The following WWC2 variants were observed in gnomAD, a reference collection of about 807,000 sequenced individuals.
The protein encoded by WWC2 is protein WWC2.
A neutral mutation model predicts 138.5 loss-of-function variants in WWC2; 101 were observed. The ratio of observed to expected loss-of-function variants is 0.73; its 90% CI spans 0.62 to 0.86. WWC2 has a LOEUF of 0.86. WWC2 is among the 40% of genes least tolerant of loss of function. The pLI is 0.00. For synonymous variants in WWC2, 558 were observed against 538.4 expected, an observed-to-expected ratio of 1.04 and a Z score of -0.50; for missense variants, 1,420 against 1,419.4, an observed-to-expected ratio of 1.00 and a Z score of -0.01.
Position 183,240,113 on chromosome 4 carries a change from C to A in WWC2, c.523-70C>A, listed in dbSNP as rs1195220072. 2.7e-6 allele frequency: 3 copies of A among 1,130,516 alleles called. No homozygotes were observed. In the African/African-American group the frequency reaches 4.8e-5, roughly 18 times the overall value. 70.0% of individuals were successfully genotyped at this position (1,130,516 alleles called of 1,614,324 possible). A position where few individuals can be genotyped will look rare whatever the true frequency, so the allele number is the denominator to read the frequency against. ...ATGTGTTTGTTTACTAATTTATTAT[C>A]TTTTAAAACTGTAGACTGTGTTGCT... is the stretch of plus-strand genomic sequence containing the variant. On this transcript the variant is annotated intron_variant, in intron 4 of 22. Coordinates refer to ENST00000403733, the MANE Select transcript of WWC2 (RefSeq NM_024949.6).
intron 20 of WWC2, among the ~76,000 whole-genome samples, chr4:183,287,808 C>T (rs1213911663): frequency 6.6e-6 from 1 of 152,176 alleles, no homozygotes; most frequent in Non-Finnish European, 1.5e-5. Context: ...CGCTGGCTCA[C>T]AAGAGCCAAT....
intron 20 of WWC2, among the ~76,000 whole-genome samples, chr4:183,289,016 T>A (rs921531100): frequency 2.6e-5 from 4 of 152,340 alleles, no homozygotes; most frequent in Admixed American, 2.0e-4. Flanking sequence ...ACTTTAAAAA[T>A]CTCTGTGGTA....
intron 1 of WWC2, among the ~76,000 whole-genome samples, chr4:183,128,159 T>C (rs1321148413): frequency 6.6e-6 from 1 of 151,142 alleles, no homozygotes; most frequent in Non-Finnish European, 1.5e-5. Flanking sequence ...GCCAATATGG[T>C]GAAACCCCCT....
At chr4:183,145,825 C>T (rs778506461) in intron 1 of WWC2, among the ~76,000 whole-genome samples, 5 of 152,132 alleles carry the variant, frequency 3.3e-5, no homozygotes, top group African/African-American at 1.2e-4. Flanking sequence ...TTTTATGTAT[C>T]ATGAAATCTT....
intron 1 of WWC2, among the ~76,000 whole-genome samples, chr4:183,182,208 G>A (rs146208472): frequency 6.6e-6 from 1 of 152,110 alleles, no homozygotes; most frequent in Non-Finnish European, 1.5e-5. Context: ...TTCTTCAAAA[G>A]GGAAGTTGTG....
chr4:183,114,098 G>C (rs1169680395), intron 1 of WWC2, among the ~76,000 whole-genome samples: 1 of 152,144 alleles, frequency 6.6e-6, no homozygotes, highest in Non-Finnish European at 1.5e-5. Flanking sequence ...GTAATTCCTA[G>C]TTGGAGGTAG....
At chr4:183,157,703 G>A (rs572244430) in intron 1 of WWC2, among the ~76,000 whole-genome samples, 5 of 152,068 alleles carry the variant, frequency 3.3e-5, no homozygotes, top group South Asian at 4.1e-4. Flanking sequence ...GGGTTTCACC[G>A]TGTTAGCCAG....
At chr4:183,256,732 G>A (rs1054954261) in intron 9 of WWC2, among the ~76,000 whole-genome samples, 2 of 152,202 alleles carry the variant, frequency 1.3e-5, no homozygotes, top group South Asian at 2.1e-4. Context: ...GCTACCTGCC[G>A]TATTCCCCAA....
chr4:183,314,976 T>G (rs548608313), intron 22 of WWC2, among the ~76,000 whole-genome samples: 18 of 152,372 alleles, frequency 1.2e-4, no homozygotes, highest in African/African-American at 4.3e-4. Flanking sequence ...TGCTTGATTC[T>G]TCAGCTACCA....
rs912756498 is a variant in WWC2 at position 183,157,250 on chromosome 4, A to G, written c.132-36349A>G. 5.9e-5 allele frequency among the ~76,000 whole-genome samples: 9 copies of G among 152,100 alleles called. 1 individual carries two copies. The highest frequency in any genetic ancestry group is 1.2e-4 in the Non-Finnish European group (8 of 68,014). On this transcript the variant is annotated intron_variant, in intron 1 of 22. Coordinates refer to ENST00000403733, the MANE Select transcript of WWC2 (RefSeq NM_024949.6). ...CACAGATCACTTAATTGGGTCCTCA[A>G]TTCGTGTTTGTCTGATATTTAAACA...
intron 4 of WWC2, among the ~76,000 whole-genome samples, chr4:183,230,913 G>T (rs548795906): frequency 6.6e-6 from 1 of 152,068 alleles, no homozygotes; most frequent in Non-Finnish European, 1.5e-5. Flanking sequence ...GACTAAATTC[G>T]TATTGAAATA....
chr4:183,241,138 T>A (rs1736604544), intron 5 of WWC2, among the ~76,000 whole-genome samples: 1 of 152,138 alleles, frequency 6.6e-6, no homozygotes, highest in South Asian at 2.1e-4. Flanking sequence ...CGGTGCAGTA[T>A]TTTTAGGGAT....
At chr4:183,291,717 T>G (rs1276414418) in intron 21 of WWC2, among the ~76,000 whole-genome samples, 3 of 152,180 alleles carry the variant, frequency 2.0e-5, no homozygotes, top group African/African-American at 4.8e-5. Flanking sequence ...ATTTTTTTAC[T>G]TAATATCATA....
At chr4:183,132,284 T>C (rs983533748) in intron 1 of WWC2, among the ~76,000 whole-genome samples, 3 of 152,182 alleles carry the variant, frequency 2.0e-5, no homozygotes, top group African/African-American at 7.2e-5. Context: ...GAAGTAGTAA[T>C]AATGAGCATC....
intron 2 of WWC2, 126 bp from the exon 3 acceptor site, chr4:183,207,827 A>T: frequency 1.2e-6 from 1 of 803,366 alleles, no homozygotes; most frequent in South Asian, 2.6e-5. Context: ...TGGAGAAGTC[A>T]CTCCAGCACA....
intron 4 of WWC2, among the ~76,000 whole-genome samples, chr4:183,220,565 T>C (rs961975204): frequency 6.8e-6 from 1 of 147,804 alleles, no homozygotes; most frequent in South Asian, 2.1e-4. Context: ...CCGGGCGCGG[T>C]GGCTCACGCC....
At chr4:183,101,031 A>G (rs2152885251) in intron 1 of WWC2, among the ~76,000 whole-genome samples, 1 of 152,364 alleles carries the variant, frequency 6.6e-6, no homozygotes, top group African/African-American at 2.4e-5. Flanking sequence ...AACAGATAGT[A>G]AATGTCAGTG....
intron 1 of WWC2, among the ~76,000 whole-genome samples, chr4:183,120,044 A>G (rs1732550363): frequency 6.6e-6 from 1 of 152,206 alleles, no homozygotes; most frequent in African/African-American, 2.4e-5. Flanking sequence ...TCAAGACATC[A>G]GAAGGGATAT....
chr4:183,106,370 A>G (rs1049116212), intron 1 of WWC2, among the ~76,000 whole-genome samples: 1 of 152,114 alleles, frequency 6.6e-6, no homozygotes, highest in African/African-American at 2.4e-5. Context: ...AATGTTTTCA[A>G]TGTCTTCAGT....
Sources: allele counts gnomAD v4.1 joint callset (sites outside exome capture counted in the v4.1 genomes callset), GRCh38; gene constraint gnomAD v4.1.1; transcripts MANE v1.5; gene names NCBI Gene and HGNC (gene_info 2026-07-23, HGNC 2026-07-21).